Variants in PHKB observed in about 807,000 individuals in gnomAD.
PHKB encodes phosphorylase b kinase regulatory subunit beta.
PHKB carries 122 observed loss-of-function variants against 152.1 expected under a neutral mutation model. The observed-to-expected ratio is 0.80, with a 90% CI of 0.69 to 0.93. The LOEUF is 0.93. Ranked by LOEUF, PHKB falls within the 40% of genes least tolerant of loss-of-function variation. The pLI is 0.00. For synonymous variants in PHKB, 436 were observed against 464.9 expected (o/e 0.94, Z 0.80); for missense variants, 1,304 against 1,328.4 (o/e 0.98, Z 0.29).
At chr16:47,461,469 G>C in intron 1 of PHKB, 43 bp downstream of exon 1, 1 of 1,603,824 alleles carries the variant, frequency 6.2e-7, no homozygotes, top group Non-Finnish European at 8.5e-7. Context: ...AGTACCTTGG[G>C]TGGTGCTTCG....
rs773643337 is a variant in PHKB, at chr16:47,689,054, G to A, written c.2644G>A (p.Ala882Thr). 1 of 1,614,090 alleles carries A rather than the reference G, an allele frequency of 6.2e-7. No homozygotes were observed. Among genetic ancestry groups the A allele is most frequent in the Non-Finnish European group, 8.5e-7 (1 of 1,179,972 alleles). The change falls in exon 27 of 31, where the codon GCC becomes ACC. Residue 882 changes from alanine (A) to threonine (T), a missense_variant. Physicochemically the swap from Ala to Thr is moderately conservative, Grantham distance 58. Coordinates refer to ENST00000323584, the MANE Select transcript of PHKB (RefSeq NM_000293.3). ...LKIRIGWIIH[A>T]MEYELQIRGG... ...GTTTTGTTTCAGGTGGATCATCCAT[G>A]CCATGGAGTATGAACTTCAGATCCG...
chr16:47,527,103 A>G (rs1445083951), intron 6 of PHKB, among the ~76,000 whole-genome samples: 1 of 152,076 alleles, frequency 6.6e-6, no homozygotes, highest in Non-Finnish European at 1.5e-5. Flanking sequence ...TTTATAAGAA[A>G]TCTGCCTCCG....
chr16:47,550,965 A>G (rs1223051391), intron 7 of PHKB, among the ~76,000 whole-genome samples: 3 of 152,090 alleles, frequency 2.0e-5, no homozygotes, highest in Non-Finnish European at 2.9e-5. Context: ...GTGTCCAGCA[A>G]TTTATCCATT....
chr16:47,646,838 A>G (rs1478307089), intron 16 of PHKB, among the ~76,000 whole-genome samples: 1 of 151,898 alleles, frequency 6.6e-6, no homozygotes, highest in Non-Finnish European at 1.5e-5. Context: ...TGCAGATATA[A>G]TAACACACTG....
rs1597114054 is a variant in PHKB, at chr16:47,598,820, C to G, written c.1363+2289C>G. ...TCTTCTAATTTTTTAACATCTGGTT[C>G]CGCTTTAACCATAGCCAGCTTCTCA... On this transcript the variant is annotated intron_variant, in intron 13 of 30. Transcript: ENST00000323584. 8.1e-6 allele frequency: 13 copies of G among 1,600,192 alleles called. No individual in the cohort carries two copies. In the South Asian group the frequency reaches 1.3e-4, roughly 16 times the overall value.
intron 14 of PHKB, among the ~76,000 whole-genome samples, chr16:47,618,773 A>G (rs901821705): frequency 1.3e-5 from 2 of 152,200 alleles, no homozygotes; most frequent in African/African-American, 2.4e-5. Flanking sequence ...ACAAAATACC[A>G]TATTATCCCA....
At chr16:47,576,308 A>T (rs1822871313) in intron 7 of PHKB, among the ~76,000 whole-genome samples, 1 of 152,144 alleles carries the variant, frequency 6.6e-6, no homozygotes, top group African/African-American at 2.4e-5. Flanking sequence ...AATTGATATG[A>T]CCATGTTATT....
chr16:47,603,259 T>C (rs957877046), intron 13 of PHKB, among the ~76,000 whole-genome samples: 1 of 152,166 alleles, frequency 6.6e-6, no homozygotes, highest in Non-Finnish European at 1.5e-5. Flanking sequence ...ATAAAATGAA[T>C]AGAAAAGAGT....
At chr16:47,586,265 G>T (rs1289009974) in intron 8 of PHKB, among the ~76,000 whole-genome samples, 2 of 152,148 alleles carry the variant, frequency 1.3e-5, no homozygotes, top group Non-Finnish European at 2.9e-5. Flanking sequence ...TGAGAGCACA[G>T]GTCAAATTTG....
chr16:47,538,521 C>T (rs1470314373), intron 6 of PHKB, among the ~76,000 whole-genome samples: 1 of 152,184 alleles, frequency 6.6e-6, no homozygotes, highest in African/African-American at 2.4e-5. Context: ...GCCTTAACAC[C>T]CTGGTTGCTC....
At position 47,669,365 on chromosome 16, in the gene PHKB, A is replaced by T. The variant is rs770607249; in HGVS notation, c.2578A>T (p.Ile860Phe). 1 of 1,614,186 alleles carries T rather than the reference A, an allele frequency of 6.2e-7. No homozygotes were observed. The highest frequency in any genetic ancestry group is 1.1e-5 in the South Asian group (1 of 91,082). ...AGAACTGGTCATCCATATTGGCTGG[A>T]TCATCTCCAATAACCCTGAGTTATT... ...QQELVIHIGW[I>F]ISNNPELFSG... The change falls in exon 26 of 31, where the codon ATC becomes TTC. Residue 860 changes from isoleucine to phenylalanine, a missense_variant. By Grantham distance (21) the Ile-to-Phe change is conservative. Coordinates refer to ENST00000323584, the MANE Select transcript of PHKB (RefSeq NM_000293.3).
At chr16:47,552,571 G>T (rs1487653902) in intron 7 of PHKB, among the ~76,000 whole-genome samples, 1 of 152,146 alleles carries the variant, frequency 6.6e-6, no homozygotes, top group Non-Finnish European at 1.5e-5. Flanking sequence ...AGCACTTTGG[G>T]AAGTCAAGTC....
At chr16:47,653,120 T>A (rs1973269165) in intron 20 of PHKB, among the ~76,000 whole-genome samples, 1 of 152,188 alleles carries the variant, frequency 6.6e-6, no homozygotes. Context: ...TTTGGAATTC[T>A]TTTCTCTAAG....
At chr16:47,570,785 T>C (rs1206398207) in intron 7 of PHKB, among the ~76,000 whole-genome samples, 1 of 152,134 alleles carries the variant, frequency 6.6e-6, no homozygotes, top group Non-Finnish European at 1.5e-5. Context: ...ATTTCAAAGA[T>C]TTAATTTTGT....
At chr16:47,475,776 TAG>T (rs1313907142) in intron 1 of PHKB, among the ~76,000 whole-genome samples, 2 of 152,350 alleles carry the variant, frequency 1.3e-5, no homozygotes, top group African/African-American at 4.8e-5. Flanking sequence ...TAAGCATTGA[TAG>T]AGAGTGTTAA....
At chr16:47,538,361 G>T (rs1970991367) in intron 6 of PHKB, among the ~76,000 whole-genome samples, 1 of 152,204 alleles carries the variant, frequency 6.6e-6, no homozygotes, top group African/African-American at 2.4e-5. Flanking sequence ...GCCCGAGTTG[G>T]GTAAGCTGAG....
Position 47,608,721 on chromosome 16 carries a change from C to T in PHKB, c.1364-2105C>T, listed in dbSNP as rs556658687. ...GTCTCAAAACAAAACAAAGAAAAATCCTTTCTCTCCCTACTGAATTGTTTT... is the reference window on the plus strand; with the variant it reads ...GTCTCAAAACAAAACAAAGAAAAATTCTTTCTCTCCCTACTGAATTGTTTT... On this transcript the variant is annotated intron_variant, in intron 13 of 30. Coordinates refer to ENST00000323584, the MANE Select transcript of PHKB (RefSeq NM_000293.3). Among the ~76,000 whole-genome samples the T allele has an allele frequency of 2.0e-4, 31 of 152,208 alleles. No homozygotes were observed. In the East Asian group the frequency reaches 5.6e-3, roughly 27 times the overall value.
At chr16:47,602,542 C>CTTTTTTT (rs34655174) in intron 13 of PHKB, among the ~76,000 whole-genome samples, 17 of 122,640 alleles carry the variant, frequency 1.4e-4, no homozygotes, top group East Asian at 6.7e-4. Context: ...GCTTCTCTTC[C>CTTTTTTT]TTTTTTTTTT....
chr16:47,515,540 A>T lies in PHKB; in HGVS notation c.533A>T (p.Tyr178Phe). 1 of 1,477,492 alleles carries T rather than the reference A, an allele frequency of 6.8e-7. No homozygotes were observed. Among genetic ancestry groups the T allele is most frequent in the Non-Finnish European group, 9.5e-7 (1 of 1,055,974 alleles). 91.5% of individuals were successfully genotyped at this position (1,477,492 alleles called of 1,614,324 possible). ...GHLQINAVSL[Y>F]LLYLVEMISS... Reference sequence around the variant, plus strand: ...TTGCAGATAAATGCAGTGTCACTTTATCTCCTTTACCTTGTGGAAATGATT... The same window carrying T: ...TTGCAGATAAATGCAGTGTCACTTTTTCTCCTTTACCTTGTGGAAATGATT... The change falls in exon 6 of 31, where the codon TAT becomes TTT. Residue 178 changes from tyrosine to phenylalanine, a missense_variant. Physicochemically the swap from Tyr to Phe is conservative, Grantham distance 22. Coordinates refer to ENST00000323584, the MANE Select transcript of PHKB (RefSeq NM_000293.3).
Sources: gnomAD v4.1 joint callset for allele counts (sites outside exome capture counted in the v4.1 genomes callset) on GRCh38, gnomAD v4.1.1 for gene constraint, MANE v1.5 for transcripts, NCBI Gene and HGNC (gene_info 2026-07-23, HGNC 2026-07-21) for gene names.